Variants in FMO2 observed in about 807,000 individuals in gnomAD.
FMO2 encodes flavin-containing monooxygenase 2.
Under a neutral mutation model 41.6 loss-of-function variants are expected in FMO2, and 33 were observed. The ratio of observed to expected loss-of-function variants is 0.79; its 90% confidence interval spans 0.60 to 1.06. FMO2 has a LOEUF of 1.06. Ranked by LOEUF, FMO2 falls within the 50% of genes least tolerant of loss-of-function variation. The probability of loss-of-function intolerance (pLI) is 0.00; values close to 1 mark genes in which losing one functional copy is unlikely to be tolerated. For missense variants in FMO2, 619 were observed against 632.9 expected, an observed-to-expected ratio of 0.98 and a Z score of 0.23; for synonymous variants, 214 against 219.6, an observed-to-expected ratio of 0.97 and a Z score of 0.23.
At chr1:171,192,157 T>A (rs1658110041) in intron 2 of FMO2, among the ~76,000 whole-genome samples, 1 of 152,206 alleles carries the variant, frequency 6.6e-6, no homozygotes, top group Non-Finnish European at 1.5e-5. Flanking sequence ...CATTCAATCA[T>A]GCTGAAACAT....
intron 5 of FMO2, among the ~76,000 whole-genome samples, chr1:171,203,323 T>TCA (rs10628039): frequency 0.19 from 27,995 of 143,762 alleles, 3,116 homozygotes; most frequent in African/African-American, 0.34. Context: ...AGACCCTGTC[T>TCA]CACACACACA....
intron 4 of FMO2, among the ~76,000 whole-genome samples, chr1:171,198,232 C>T (rs1658378311): frequency 6.6e-6 from 1 of 150,486 alleles, no homozygotes; most frequent in Admixed American, 6.6e-5. Context: ...TGATTAACCA[C>T]CAGCAAGTCA....
chr1:171,185,759 A>C lies in FMO2; in HGVS notation c.46A>C (p.Ile16Leu), dbSNP rs941479224. The stretch of plus-strand genomic sequence containing the variant: ...GATTGGAGCTGGGGTCAGTGGCCTA[A>C]TTTCTCTGAAGTGCTGTGTGGATGA... ...AVIGAGVSGLISLKCCVDEGL... is the reference protein window; with the variant it reads ...AVIGAGVSGLLSLKCCVDEGL... Residue 16 changes from isoleucine (I) to leucine (L), a missense_variant, in exon 2 of 9, where the codon ATT becomes CTT. Transcript: ENST00000209929. 3.1e-6 allele frequency: 5 copies of C among 1,613,752 alleles called. No individual in the cohort carries two copies. Among genetic ancestry groups the C allele is most frequent in the Non-Finnish European group, 4.2e-6 (5 of 1,179,840 alleles).
rs572912634 is a variant in FMO2 at position 171,208,552 on chromosome 1, G to T, written c.1257-242G>T. 8.3e-4 allele frequency among the ~76,000 whole-genome samples: 126 copies of T among 152,214 alleles called. 1 individual carries two copies. Among genetic ancestry groups the T allele is most frequent in the African/African-American group, 3.0e-3 (123 of 41,534 alleles). On this transcript the variant is annotated intron_variant, in intron 8 of 8. Transcript: ENST00000209929. ...ACCGCTTAAAAAATGCCAAACAATG[G>T]TTACCAATCTTGTCACATTTCTAGA...
chr1:171,212,313 G>C lies in FMO2; in HGVS notation c.*3168G>C, dbSNP rs1057367. 3.3e-5 allele frequency among the ~76,000 whole-genome samples: 5 copies of C among 152,068 alleles called. No individual in the cohort carries two copies. The highest frequency in any genetic ancestry group is 3.3e-4 in the Admixed American group (5 of 15,262). On this transcript the variant is annotated 3_prime_UTR_variant, in exon 9 of 9. Coordinates refer to ENST00000209929, the MANE Select transcript of FMO2 (RefSeq NM_001460.5). ...TCTGCCTTCACCTTTGCCGTGGGTGGACACAGCAAGAAGGCCCTCATCAGA... is the reference window on the plus strand; with the variant it reads ...TCTGCCTTCACCTTTGCCGTGGGTGCACACAGCAAGAAGGCCCTCATCAGA...
At chr1:171,185,659 T>C in intron 1 of FMO2, 49 bp from the exon 2 acceptor site, 2 of 1,600,444 alleles carry the variant, frequency 1.2e-6, no homozygotes, top group Non-Finnish European at 1.7e-6. Context: ...AAGGATTCTC[T>C]TACCGGTTGT....
Position 171,212,604 on chromosome 1 carries a change from AC to A in FMO2, c.*3460del, listed in dbSNP as rs1659025883. Among the ~76,000 whole-genome samples the A allele has an allele frequency of 6.6e-6, 1 of 152,234 alleles. No individual in the cohort carries two copies. The highest frequency in any genetic ancestry group is 2.1e-4 in the South Asian group (1 of 4,834). ...TTACAGAAAAATAAAGATATTTTAA[AC>A]AAAATACTAGGGCCATGGTATGTAA... On this transcript the variant is annotated 3_prime_UTR_variant, in exon 9 of 9. Transcript: ENST00000209929.
intron 2 of FMO2, among the ~76,000 whole-genome samples, chr1:171,190,241 A>G (rs963345767): frequency 2.6e-5 from 4 of 152,200 alleles, no homozygotes; most frequent in African/African-American, 7.2e-5. Context: ...ATAAACTTCA[A>G]TTCAGCTCGT....
At chr1:171,187,906 T>C (rs28369809) in intron 2 of FMO2, among the ~76,000 whole-genome samples, 2,557 of 152,298 alleles carry the variant, frequency 0.017, 36 homozygotes, top group Middle Eastern at 0.044. Flanking sequence ...TCATTTCTTA[T>C]TAAAAGCTGA....
rs775584941 is a variant in FMO2 at position 171,205,298 on chromosome 1, G to A, written c.847G>A (p.Val283Ile). The change falls in exon 7 of 9, where the codon GTA (valine) becomes ATA (isoleucine). Residue 283 changes from valine (V) to isoleucine (I), a missense_variant. Physicochemically the swap from Val to Ile is conservative, Grantham distance 29. Coordinates refer to ENST00000209929, the MANE Select transcript of FMO2 (RefSeq NM_001460.5). Reference protein sequence around the residue: ...PQNKYIMKEPVLNDDVPSRLL... With the variant: ...PQNKYIMKEPILNDDVPSRLL... ...TCTCAGATACATTATGAAGGAACCT[G>A]TACTAAATGATGATGTCCCAAGTCG... The A allele has an allele frequency of 1.2e-6, 2 of 1,609,878 alleles. No homozygotes were observed. Among genetic ancestry groups the A allele is most frequent in the South Asian group, 1.1e-5 (1 of 90,872 alleles).
chr1:171,187,745 A>G (rs1363741468), intron 2 of FMO2, among the ~76,000 whole-genome samples: 3 of 152,044 alleles, frequency 2.0e-5, no homozygotes, highest in Non-Finnish European at 4.4e-5. Flanking sequence ...CTATGATAAG[A>G]CAAATTTGGT....
intron 2 of FMO2, among the ~76,000 whole-genome samples, chr1:171,190,024 T>A (rs74556714): frequency 0.016 from 2,488 of 152,318 alleles, 36 homozygotes; most frequent in Middle Eastern, 0.044. Flanking sequence ...TAACTACCCA[T>A]GAAAGCAAAA....
chr1:171,208,722 GT>G, intron 8 of FMO2, 71 bp from the exon 9 acceptor site: 1 of 1,436,138 alleles, frequency 7.0e-7, no homozygotes, highest in Non-Finnish European at 9.6e-7. Flanking sequence ...TCCTTTAGCA[GT>G]TTTGAATGCC....
At chr1:171,207,663 C>CA in intron 7 of FMO2, 55 bp from the exon 8 acceptor site, 1 of 1,151,682 alleles carries the variant, frequency 8.7e-7, no homozygotes, top group Non-Finnish European at 1.3e-6. Flanking sequence ...AACAACTAGA[C>CA]AAAGTAATGA....
In FMO2 at chr1:171,185,573, G is replaced by A. The variant is rs777638948; in HGVS notation, c.-6-135G>A. ...CAAGAAGAGAGCAGGATTTTTGACTGGCTCTTTATTCAATAGTGCTGCTTA... is the reference window on the plus strand; with the variant it reads ...CAAGAAGAGAGCAGGATTTTTGACTAGCTCTTTATTCAATAGTGCTGCTTA... On this transcript the variant is annotated intron_variant, in intron 1 of 8. Transcript: ENST00000209929. The A allele has an allele frequency of 1.2e-4, 99 of 814,742 alleles. No homozygotes were observed. In the Middle Eastern group the frequency reaches 2.9e-3, roughly 24 times the overall value. The allele number at this position is 814,742 out of a possible 1,614,324, so 50.5% of individuals were successfully genotyped here. A position where few individuals can be genotyped will look rare whatever the true frequency, so the allele number is the denominator to read the frequency against.
chr1:171,205,833 C>T (rs1255612948), intron 7 of FMO2, among the ~76,000 whole-genome samples, 199 bp downstream of exon 7: 2 of 152,126 alleles, frequency 1.3e-5, no homozygotes, highest in African/African-American at 4.8e-5. Context: ...ATAATAAATA[C>T]CTGCAATCAT....
intron 2 of FMO2, among the ~76,000 whole-genome samples, chr1:171,190,565 A>T (rs1658036692): frequency 6.6e-6 from 1 of 152,200 alleles, no homozygotes; most frequent in African/African-American, 2.4e-5. Context: ...AGTGCATTTT[A>T]ATACAATATA....
intron 2 of FMO2, among the ~76,000 whole-genome samples, chr1:171,190,000 C>T (rs1265687647): frequency 1.3e-5 from 2 of 152,116 alleles, no homozygotes; most frequent in Non-Finnish European, 2.9e-5. Context: ...TTTATTCTTT[C>T]TAACTGCTTA....
intron 2 of FMO2, among the ~76,000 whole-genome samples, chr1:171,186,640 C>A (rs536724544): frequency 1.1e-4 from 17 of 152,282 alleles, no homozygotes; most frequent in African/African-American, 3.1e-4. Flanking sequence ...TACCTACCCC[C>A]ACCAGGTCCT....
Sources: allele counts gnomAD v4.1 joint callset (sites outside exome capture counted in the v4.1 genomes callset), GRCh38; gene constraint gnomAD v4.1.1; transcripts MANE v1.5; gene names NCBI Gene and HGNC (gene_info 2026-07-23, HGNC 2026-07-21).